INPP4B: variants seen among roughly 807,000 people sequenced by gnomAD.
The protein encoded by INPP4B is inositol polyphosphate-4-phosphatase type II B.
A neutral mutation model predicts 122.5 loss-of-function variants in INPP4B; 55 were observed. The ratio of observed to expected loss-of-function variants is 0.45; its 90% CI spans 0.36 to 0.56. The LOEUF is 0.56. Ranked by LOEUF, INPP4B falls within the 20% of genes least tolerant of loss-of-function variation. INPP4B has a pLI of 0.00. For synonymous variants in INPP4B, 403 were observed against 388.7 expected, an observed-to-expected ratio of 1.04 and a Z score of -0.43; for missense variants, 1,000 against 1,097.7, an observed-to-expected ratio of 0.91 and a Z score of 1.26.
chr4:142,183,217 C>A (rs1831664125), intron 15 of INPP4B, among the ~76,000 whole-genome samples: 1 of 152,102 alleles, frequency 6.6e-6, no homozygotes, highest in Admixed American at 6.6e-5. Context: ...CACATACAAC[C>A]CCCAAGTTGC....
At chr4:142,238,069 G>A (rs976655484) in intron 11 of INPP4B, 58 bp from the exon 12 acceptor site, 68 of 809,086 alleles carry the variant, frequency 8.4e-5, no homozygotes, top group Non-Finnish European at 1.2e-4. Flanking sequence ...GTCAGGTGAA[G>A]CTCAATTAAT....
intron 2 of INPP4B, among the ~76,000 whole-genome samples, chr4:142,587,405 A>G (rs916726308): frequency 1.3e-5 from 2 of 152,086 alleles, no homozygotes; most frequent in African/African-American, 4.8e-5. Context: ...GGGTTTTACT[A>G]TCTGAAAAGT....
chr4:142,288,625 A>G (rs996554494), intron 9 of INPP4B, among the ~76,000 whole-genome samples: 1 of 152,156 alleles, frequency 6.6e-6, no homozygotes, highest in African/African-American at 2.4e-5. Flanking sequence ...AATCTGGCCT[A>G]TCTTCCCTAA....
chr4:142,054,782 G>A (rs769939603), intron 25 of INPP4B, among the ~76,000 whole-genome samples: 8 of 152,070 alleles, frequency 5.3e-5, no homozygotes, highest in Non-Finnish European at 7.4e-5. Flanking sequence ...GTTGGGCATC[G>A]AGTATTTGGG....
At chr4:142,722,763 A>G (rs528296227) in intron 2 of INPP4B, among the ~76,000 whole-genome samples, 2 of 152,274 alleles carry the variant, frequency 1.3e-5, no homozygotes, top group South Asian at 4.1e-4. Context: ...ATTGTATGGT[A>G]TATATCAGAC....
chr4:142,357,967 T>G (rs1414531086), intron 7 of INPP4B, among the ~76,000 whole-genome samples: 1 of 152,054 alleles, frequency 6.6e-6, no homozygotes, highest in Non-Finnish European at 1.5e-5. Flanking sequence ...ACTTGATATG[T>G]TTCTTTACAT....
chr4:142,313,244 G>C (rs1269175810), intron 8 of INPP4B, among the ~76,000 whole-genome samples: 1 of 152,194 alleles, frequency 6.6e-6, no homozygotes, highest in Admixed American at 6.5e-5. Context: ...CTTCAAGCAA[G>C]GGGGATTCAA....
chr4:142,527,547 G>A (rs749153364), intron 2 of INPP4B, among the ~76,000 whole-genome samples: 1 of 151,988 alleles, frequency 6.6e-6, no homozygotes, highest in Non-Finnish European at 1.5e-5. Flanking sequence ...GATAAGCAAC[G>A]TTAATTATAG....
chr4:142,794,559 C>T (rs1580933101), intron 1 of INPP4B, among the ~76,000 whole-genome samples: 1 of 151,906 alleles, frequency 6.6e-6, no homozygotes, highest in South Asian at 2.1e-4. Flanking sequence ...ATACTTAATG[C>T]TCTAGGGTAA....
At chr4:142,207,518 T>A (rs944006843) in intron 14 of INPP4B, among the ~76,000 whole-genome samples, 1 of 152,142 alleles carries the variant, frequency 6.6e-6, no homozygotes, top group Non-Finnish European at 1.5e-5. Flanking sequence ...TCTCTGTAAG[T>A]ATGTTTGTAT....
chr4:142,708,314 G>A (rs917748588), intron 2 of INPP4B, among the ~76,000 whole-genome samples: 1 of 152,160 alleles, frequency 6.6e-6, no homozygotes, highest in African/African-American at 2.4e-5. Context: ...CATTTTCTGG[G>A]GAGGAAATCA....
chr4:142,121,214 T>C (rs1042308778), intron 21 of INPP4B, among the ~76,000 whole-genome samples: 5 of 149,486 alleles, frequency 3.3e-5, no homozygotes, highest in Non-Finnish European at 5.9e-5. Context: ...ATATTTAGTT[T>C]CTGAGGATGT....
intron 15 of INPP4B, among the ~76,000 whole-genome samples, chr4:142,176,908 A>T (rs577007925): frequency 1.3e-5 from 2 of 152,316 alleles, no homozygotes; most frequent in African/African-American, 4.8e-5. Flanking sequence ...AGCACCTTTT[A>T]CAAGGCTAAT....
intron 18 of INPP4B, among the ~76,000 whole-genome samples, chr4:142,145,403 C>A (rs1462045441): frequency 6.6e-6 from 1 of 152,044 alleles, no homozygotes; most frequent in Non-Finnish European, 1.5e-5. Flanking sequence ...ACAAATATTT[C>A]TCAGAATAAA....
At chr4:142,408,590 A>T (rs1258316950) in intron 5 of INPP4B, among the ~76,000 whole-genome samples, 1 of 152,182 alleles carries the variant, frequency 6.6e-6, no homozygotes, top group Non-Finnish European at 1.5e-5. Context: ...TTCCAGCTAT[A>T]CTTACCACTG....
intron 7 of INPP4B, among the ~76,000 whole-genome samples, chr4:142,363,264 A>G (rs1056298859): frequency 3.3e-5 from 5 of 152,002 alleles, no homozygotes; most frequent in Non-Finnish European, 7.4e-5. Flanking sequence ...ATTTATAAAT[A>G]TCAATTTTAA....
At chr4:142,613,257 C>T (rs1274482556) in intron 2 of INPP4B, among the ~76,000 whole-genome samples, 2 of 152,168 alleles carry the variant, frequency 1.3e-5, no homozygotes, top group East Asian at 3.8e-4. Context: ...GTTTTAAATA[C>T]TATTTCTGCA....
At chr4:142,578,742 G>T (rs1734382513) in intron 2 of INPP4B, among the ~76,000 whole-genome samples, 1 of 151,828 alleles carries the variant, frequency 6.6e-6, no homozygotes, top group African/African-American at 2.4e-5. Flanking sequence ...TATGAATGGG[G>T]GGACATATTT....
intron 2 of INPP4B, among the ~76,000 whole-genome samples, chr4:142,506,895 A>G (rs543833414): frequency 2.6e-5 from 4 of 152,240 alleles, no homozygotes; most frequent in Admixed American, 2.6e-4. Flanking sequence ...GGGAGATCCA[A>G]CAAAGCCTGT....
Sources: gnomAD v4.1 joint callset for allele counts (sites outside exome capture counted in the v4.1 genomes callset) on GRCh38, gnomAD v4.1.1 for gene constraint, MANE v1.5 for transcripts, NCBI Gene and HGNC (gene_info 2026-07-23, HGNC 2026-07-21) for gene names.